MAP3K13: variants seen among roughly 807,000 people sequenced by gnomAD.
MAP3K13 encodes the protein leucine zipper-bearing kinase.
MAP3K13 carries 52 observed loss-of-function variants against 104.0 expected under a neutral mutation model. The ratio of observed to expected loss-of-function variants is 0.50; its 90% CI spans 0.40 to 0.63. MAP3K13 has a LOEUF of 0.63. Among genes scored for constraint, MAP3K13 ranks in the 20% least tolerant of loss-of-function variants. MAP3K13 has a pLI of 0.00. For missense variants in MAP3K13, 914 were observed against 1,218.5 expected, an observed-to-expected ratio of 0.75 and a Z score of 3.72; for synonymous variants, 394 against 442.2, an observed-to-expected ratio of 0.89 and a Z score of 1.37.
At chr3:185,367,115 A>G (rs558485644) in intron 1 of MAP3K13, among the ~76,000 whole-genome samples, 1 of 152,330 alleles carries the variant, frequency 6.6e-6, no homozygotes, top group Admixed American at 6.5e-5. Flanking sequence ...TGCTATAAAG[A>G]CAGGGTTCAA....
rs1723303838 is a variant in MAP3K13 at position 185,355,284 on chromosome 3, TG to T, written c.-86+69643del. 3.3e-5 allele frequency among the ~76,000 whole-genome samples: 5 copies of T among 152,128 alleles called. No homozygotes were observed. The South Asian group carries it at 1.0e-3, about 32-fold the overall frequency. ...GTCAGGAGTTTGAGACTGGCCAACA[TG>T]GCGAAAACCCATCTCTACTAAAAAT... On this transcript the variant is annotated intron_variant, in intron 2 of 14. Coordinates refer to the MAP3K13 transcript ENST00000424227.
At chr3:185,285,190 A>G (rs1720466209) in intron 1 of MAP3K13, among the ~76,000 whole-genome samples, 1 of 152,130 alleles carries the variant, frequency 6.6e-6, no homozygotes, top group South Asian at 2.1e-4. Flanking sequence ...ATACCCTTAA[A>G]CCTTGTGTTC....
chr3:185,389,405 T>G (rs1711900709), intron 1 of MAP3K13, among the ~76,000 whole-genome samples: 1 of 152,128 alleles, frequency 6.6e-6, no homozygotes, highest in Non-Finnish European at 1.5e-5. Flanking sequence ...AGGGGTTAAA[T>G]GAGATAAGGT....
intron 2 of MAP3K13, among the ~76,000 whole-genome samples, chr3:185,333,151 TGCCCTTGA>T (rs1282078795): frequency 2.0e-5 from 3 of 152,200 alleles, no homozygotes; most frequent in African/African-American, 7.2e-5. Flanking sequence ...TTTGTTCTTG[TGCCCTTGA>T]GTTTTCCAAA....
At chr3:185,463,296 G>C (rs1183226194) in intron 7 of MAP3K13, among the ~76,000 whole-genome samples, 1 of 152,180 alleles carries the variant, frequency 6.6e-6, no homozygotes, top group Non-Finnish European at 1.5e-5. Flanking sequence ...GTTCCTCATA[G>C]CCAGTGCTGG....
In MAP3K13 at chr3:185,482,279, G is replaced by A; in HGVS notation, c.2800-76G>A. ...AGCCCCCTTACCAAGCACAGTGCCT[G>A]TTGTGTGGGAGGTGTTTGACATATA... On this transcript the variant is annotated intron_variant, in intron 13 of 13. Coordinates refer to ENST00000265026, the MANE Select transcript of MAP3K13 (RefSeq NM_004721.5). The surrounding 1 kb of genome is among the most constrained non-coding windows in gnomAD (Gnocchi z 4.5). 9.6e-7 allele frequency: 1 copy of A among 1,043,382 alleles called. No individual in the cohort carries two copies. Among genetic ancestry groups the A allele is most frequent in the South Asian group, 1.3e-5 (1 of 76,642 alleles). The allele number at this position is 1,043,382 out of a possible 1,614,324, so 64.6% of individuals were successfully genotyped here.
chr3:185,421,069 C>T (rs759819863), intron 1 of MAP3K13, among the ~76,000 whole-genome samples: 9 of 152,302 alleles, frequency 5.9e-5, no homozygotes, highest in East Asian at 5.8e-4. Context: ...GCACCCTTTG[C>T]GGATCGGGAC....
chr3:185,469,987 C>T (rs1437744788), intron 10 of MAP3K13, among the ~76,000 whole-genome samples: 1 of 152,138 alleles, frequency 6.6e-6, no homozygotes, highest in African/African-American at 2.4e-5. Flanking sequence ...CAAGCAAAGC[C>T]TGGAACACCC....
At chr3:185,373,183 C>T (rs1724241873) in intron 1 of MAP3K13, among the ~76,000 whole-genome samples, 1 of 152,138 alleles carries the variant, frequency 6.6e-6, no homozygotes, top group Non-Finnish European at 1.5e-5. Flanking sequence ...GGAAGCTAAG[C>T]TTCTGGGCCT....
intron 12 of MAP3K13, among the ~76,000 whole-genome samples, chr3:185,478,556 G>C (rs556643025): frequency 1.3e-5 from 2 of 152,084 alleles, no homozygotes; most frequent in East Asian, 3.9e-4. Context: ...CCCATCACCT[G>C]TCCTGGGCAT....
At chr3:185,406,653 T>C (rs1023668052) in intron 1 of MAP3K13, among the ~76,000 whole-genome samples, 1 of 152,234 alleles carries the variant, frequency 6.6e-6, no homozygotes, top group Non-Finnish European at 1.5e-5. Flanking sequence ...GCTTAATTTC[T>C]AAGATTTTGG....
chr3:185,292,535 T>C (rs1220493753), intron 2 of MAP3K13: 3 of 476,488 alleles, frequency 6.3e-6, no homozygotes, highest in African/African-American at 4.2e-5. Flanking sequence ...TCTAACATTT[T>C]CCCCCCGGCC....
At chr3:185,354,746 C>T (rs1723282191) in intron 2 of MAP3K13, among the ~76,000 whole-genome samples, 1 of 151,660 alleles carries the variant, frequency 6.6e-6, no homozygotes, top group South Asian at 2.1e-4. Flanking sequence ...CCTGTCTACC[C>T]CACTAATTTA....
rs371652671 is a variant in MAP3K13 at position 185,373,763 on chromosome 3, A to G, written c.-86+10395A>G. Among the ~76,000 whole-genome samples the G allele has an allele frequency of 1.1e-4, 14 of 122,636 alleles. No individual in the cohort carries two copies. The East Asian group carries it at 1.4e-3, about 12-fold the overall frequency. 80.5% of individuals were successfully genotyped at this position (122,636 alleles called of 152,430 possible). ...TCTCAATTCCCATCCATATTGCCCTACCCCTGCCAACCATGACATGTTCTC... is the reference window on the plus strand; with the variant it reads ...TCTCAATTCCCATCCATATTGCCCTGCCCCTGCCAACCATGACATGTTCTC... On this transcript the variant is annotated intron_variant, in intron 1 of 13. Transcript: ENST00000265026.
At chr3:185,292,977 G>A (rs985200155) in intron 2 of MAP3K13, 29 of 984,388 alleles carry the variant, frequency 2.9e-5, no homozygotes, top group Admixed American at 6.2e-5. Flanking sequence ...TGCATCCCAC[G>A]TGGTAAGAAT....
intron 1 of MAP3K13, among the ~76,000 whole-genome samples, chr3:185,393,510 G>C (rs1712194916): frequency 6.6e-6 from 1 of 150,466 alleles, no homozygotes; most frequent in African/African-American, 2.4e-5. Context: ...CCAGGCTGGA[G>C]TGCAGTGGCG....
chr3:185,331,137 A>C (rs1253030125), intron 2 of MAP3K13, among the ~76,000 whole-genome samples: 1 of 106,182 alleles, frequency 9.4e-6, no homozygotes, highest in Non-Finnish European at 1.8e-5. Flanking sequence ...CTTGTTGCCC[A>C]GGCTGGAGTG....
chr3:185,350,751 G>A (rs1327333114), intron 2 of MAP3K13, among the ~76,000 whole-genome samples: 2 of 152,150 alleles, frequency 1.3e-5, no homozygotes, highest in Non-Finnish European at 2.9e-5. Flanking sequence ...AAAAGGGAAC[G>A]TGTATACACT....
chr3:185,404,270 A>G (rs977483807), intron 1 of MAP3K13, among the ~76,000 whole-genome samples: 2 of 152,238 alleles, frequency 1.3e-5, no homozygotes, highest in Non-Finnish European at 2.9e-5. Flanking sequence ...TCAAGGAAAC[A>G]AAACCTGTTT....
Sources: gnomAD v4.1 joint callset for allele counts (sites outside exome capture counted in the v4.1 genomes callset) on GRCh38, gnomAD v4.1.1 for gene constraint, Gnocchi (gnomAD v3.1) non-coding constraint, MANE v1.5 for transcripts, NCBI Gene and HGNC (gene_info 2026-07-23, HGNC 2026-07-21) for gene names.